MORC1: variants seen among roughly 807,000 people sequenced by gnomAD.
The protein encoded by MORC1 is MORC family CW-type zinc finger protein 1.
Under a neutral mutation model 134.9 loss-of-function variants are expected in MORC1, and 59 were observed. The ratio of observed to expected loss-of-function variants is 0.44; its 90% CI spans 0.35 to 0.54. The LOEUF (loss-of-function observed/expected upper bound fraction) is 0.54, where lower values mean the gene tolerates loss of function less well. Among genes scored for constraint, MORC1 ranks in the 20% least tolerant of loss-of-function variants. The pLI, the probability that MORC1 is intolerant of heterozygous loss-of-function variation, is 0.00. For synonymous variants in MORC1, 395 were observed against 391.7 expected (o/e 1.01, Z -0.10); for missense variants, 947 against 1,134.5 (o/e 0.83, Z 2.37).
rs149924766 is a variant in MORC1, at chr3:109,006,590, A to G, written c.1767+439T>C. ...CTGAGAAGCTCTAACTAAAGGCTCAAAAATGTTCCTCTCTAAATTTTAAAT... is the reference window on the plus strand; with the variant it reads ...CTGAGAAGCTCTAACTAAAGGCTCAGAAATGTTCCTCTCTAAATTTTAAAT... On this transcript the variant is annotated intron_variant, in intron 18 of 27. Transcript: ENST00000232603. Among the ~76,000 whole-genome samples, 394 of 152,300 alleles carry G rather than the reference A, an allele frequency of 2.6e-3. 4 individuals are homozygous for G. The highest frequency in any genetic ancestry group is 0.019 in the South Asian group (94 of 4,822).
intron 12 of MORC1, 135 bp downstream of exon 12, chr3:109,059,671 T>C (rs1444202153): frequency 1.6e-6 from 1 of 623,676 alleles, no homozygotes. Context: ...TTGACTATAT[T>C]AGGTTTCAGA....
intron 23 of MORC1, among the ~76,000 whole-genome samples, chr3:108,980,479 G>A (rs1461872239): frequency 2.0e-5 from 3 of 152,180 alleles, no homozygotes; most frequent in East Asian, 1.9e-4. Flanking sequence ...CTCCCCTGAG[G>A]TGCCATTCAT....
intron 8 of MORC1, among the ~76,000 whole-genome samples, chr3:109,091,440 T>G: frequency 1.4e-5 from 1 of 71,502 alleles, no homozygotes; most frequent in Non-Finnish European, 2.9e-5. Context: ...TGAGACTCCA[T>G]CTAAAAAAAT....
chr3:109,015,782 G>GCCATCCT (rs10636735), intron 17 of MORC1, among the ~76,000 whole-genome samples: 63,696 of 151,348 alleles, frequency 0.42, 14,022 homozygotes, highest in Middle Eastern at 0.55. Context: ...GCTCTGCCAC[G>GCCATCCT]CATAATCCTC....
intron 2 of MORC1, among the ~76,000 whole-genome samples, chr3:109,111,692 G>A (rs939045777): frequency 2.0e-5 from 3 of 152,168 alleles, no homozygotes; most frequent in African/African-American, 7.2e-5. Context: ...TTAAGGCAGG[G>A]AGGAGTCTAA....
At chr3:108,984,672 A>G (rs753747347) in intron 23 of MORC1, 44 bp downstream of exon 23, 1 of 1,340,974 alleles carries the variant, frequency 7.5e-7, no homozygotes, top group East Asian at 2.5e-5. Flanking sequence ...TTTCAGCAGG[A>G]TAATTGCACT....
chr3:108,963,355 G>C (rs1312827837), intron 27 of MORC1, 59 bp downstream of exon 27: 1 of 1,398,972 alleles, frequency 7.1e-7, no homozygotes, highest in Non-Finnish European at 9.9e-7. Flanking sequence ...GGAGAAGTTA[G>C]CTGAGTTCTC....
intron 3 of MORC1, among the ~76,000 whole-genome samples, chr3:109,105,590 G>A (rs1355926359): frequency 6.7e-6 from 1 of 149,314 alleles, no homozygotes; most frequent in Non-Finnish European, 1.5e-5. Flanking sequence ...GGAACAGGAG[G>A]ATCACTTGAG....
intron 17 of MORC1, among the ~76,000 whole-genome samples, chr3:109,018,539 A>G (rs1415944666): frequency 6.6e-6 from 1 of 152,120 alleles, no homozygotes; most frequent in Non-Finnish European, 1.5e-5. Flanking sequence ...CTTCCCAAAG[A>G]GCAAAAGAAT....
intron 3 of MORC1, among the ~76,000 whole-genome samples, chr3:109,106,174 T>C (rs1202605669): frequency 6.6e-6 from 1 of 152,238 alleles, no homozygotes; most frequent in Non-Finnish European, 1.5e-5. Flanking sequence ...GTTATTCTAA[T>C]GTTCATCCAG....
At chr3:109,059,732 T>G in intron 12 of MORC1, 74 bp downstream of exon 12, 1 of 1,329,040 alleles carries the variant, frequency 7.5e-7, no homozygotes, top group Non-Finnish European at 1.0e-6. Flanking sequence ...CCACTAAATC[T>G]GCCTACTTAG....
chr3:109,109,798 C>T (rs1232429869), intron 3 of MORC1: 4 of 152,284 alleles, frequency 2.6e-5, no homozygotes, highest in Non-Finnish European at 5.9e-5. Context: ...GAGTCCTGAT[C>T]CCTTGTCCCA....
At chr3:109,013,069 G>A (rs1441728584) in intron 17 of MORC1, among the ~76,000 whole-genome samples, 2 of 152,060 alleles carry the variant, frequency 1.3e-5, no homozygotes, top group Admixed American at 1.3e-4. Context: ...AGTTGAGAGA[G>A]TTTTCTTCTA....
At chr3:109,026,778 T>C (rs1482956786) in intron 17 of MORC1, among the ~76,000 whole-genome samples, 2 of 152,204 alleles carry the variant, frequency 1.3e-5, no homozygotes, top group Non-Finnish European at 2.9e-5. Context: ...AAAGTTGAGC[T>C]ACTTTTTGGA....
chr3:109,035,486 A>G lies in MORC1; in HGVS notation c.1331-18T>C. The G allele has an allele frequency of 7.3e-7, 1 of 1,365,840 alleles. No homozygotes were observed. Among genetic ancestry groups the G allele is most frequent in the Non-Finnish European group, 9.8e-7 (1 of 1,015,670 alleles). 84.6% of individuals were successfully genotyped at this position (1,365,840 alleles called of 1,614,324 possible). A position where few individuals can be genotyped will look rare whatever the true frequency, so the allele number is the denominator to read the frequency against. On this transcript the variant is annotated intron_variant, in intron 14 of 27. Transcript: ENST00000232603. Reference sequence around the variant, plus strand: ...TCTATTATCTTTTAAAAAAAAAAGCAGGCAAAGAATAACAAAAAAAAATCA... The same window carrying G: ...TCTATTATCTTTTAAAAAAAAAAGCGGGCAAAGAATAACAAAAAAAAATCA...
chr3:109,096,273 A>G (rs1010146599), intron 6 of MORC1, among the ~76,000 whole-genome samples: 6 of 152,152 alleles, frequency 3.9e-5, no homozygotes, highest in African/African-American at 1.4e-4. Flanking sequence ...TGGGTCAAAT[A>G]AGGCTGAGAC....
intron 8 of MORC1, among the ~76,000 whole-genome samples, chr3:109,077,423 G>A (rs1258065051): frequency 1.3e-5 from 2 of 152,058 alleles, no homozygotes; most frequent in Non-Finnish European, 2.9e-5. Flanking sequence ...GGTGGAACTG[G>A]AAAGGAAGAA....
intron 21 of MORC1, among the ~76,000 whole-genome samples, chr3:109,000,265 T>A (rs1294782736): frequency 6.6e-6 from 1 of 152,176 alleles, no homozygotes; most frequent in African/African-American, 2.4e-5. Flanking sequence ...GTTATATATA[T>A]AACTTTTGTA....
intron 4 of MORC1, among the ~76,000 whole-genome samples, chr3:109,102,816 T>C (rs940811610): frequency 1.1e-4 from 16 of 152,228 alleles, no homozygotes; most frequent in Admixed American, 9.2e-4. Context: ...AAATTACTTT[T>C]TTCAGCATGG....
Sources: gnomAD v4.1 joint callset for allele counts (sites outside exome capture counted in the v4.1 genomes callset) on GRCh38, gnomAD v4.1.1 for gene constraint, MANE v1.5 for transcripts, NCBI Gene and HGNC (gene_info 2026-07-23, HGNC 2026-07-21) for gene names.